The following SUGCT variants were observed in gnomAD, a reference collection of about 807,000 sequenced individuals.
The protein encoded by SUGCT is succinyl-CoA:glutarate CoA-transferase.
In SUGCT, 41 loss-of-function variants were observed where a neutral mutation model predicts 55.0. The observed-to-expected ratio is 0.74, with a 90% CI of 0.58 to 0.97. The LOEUF (loss-of-function observed/expected upper bound fraction) is 0.97. SUGCT is among the 50% of genes least tolerant of loss of function. The pLI, the probability that SUGCT is intolerant of heterozygous loss-of-function variation, is 0.00. For missense variants in SUGCT, 568 were observed against 547.8 expected, an observed-to-expected ratio of 1.04 and a Z score of -0.37; for synonymous variants, 187 against 200.4, an observed-to-expected ratio of 0.93 and a Z score of 0.56.
At chr7:40,414,853 G>GC (rs148617434) in intron 9 of SUGCT, among the ~76,000 whole-genome samples, 3,761 of 152,048 alleles carry the variant, frequency 0.025, 53 homozygotes, top group Non-Finnish European at 0.038. Flanking sequence ...CACCAGCCTG[G>GC]CCAACATGGT....
chr7:40,327,691 G>A (rs1796087554), intron 9 of SUGCT, among the ~76,000 whole-genome samples: 2 of 152,012 alleles, frequency 1.3e-5, no homozygotes, highest in African/African-American at 4.8e-5. Flanking sequence ...TAATATATGT[G>A]CAGAACTAAT....
At chr7:40,515,063 A>ATG (rs1793159540) in intron 12 of SUGCT, among the ~76,000 whole-genome samples, 2 of 152,176 alleles carry the variant, frequency 1.3e-5, no homozygotes, top group South Asian at 4.1e-4. Context: ...CATAGTTACA[A>ATG]TGTGTGTGTA....
chr7:40,908,214 T>TA, the SUGCT span, among the ~76,000 whole-genome samples: 30 of 146,852 alleles, frequency 2.0e-4, no homozygotes, highest in African/African-American at 5.2e-4. Flanking sequence ...CCATCTCTAC[T>TA]AAAAAAAAAA....
At chr7:40,413,884 A>G (rs1469450122) in intron 9 of SUGCT, among the ~76,000 whole-genome samples, 2 of 152,200 alleles carry the variant, frequency 1.3e-5, no homozygotes. Flanking sequence ...TTACATTGAT[A>G]AATGGGAAGA....
At chr7:40,381,225 A>G (rs1050840455) in intron 9 of SUGCT, among the ~76,000 whole-genome samples, 4 of 152,178 alleles carry the variant, frequency 2.6e-5, no homozygotes, top group Admixed American at 2.6e-4. Flanking sequence ...CTGGCTATAT[A>G]ATATATAAGT....
intron 9 of SUGCT, among the ~76,000 whole-genome samples, chr7:40,402,806 G>A: frequency 6.6e-6 from 1 of 152,130 alleles, no homozygotes; most frequent in East Asian, 1.9e-4. Flanking sequence ...TAGGGTGAGA[G>A]GAAGTTCAAT....
the SUGCT span, among the ~76,000 whole-genome samples, chr7:40,955,099 T>C: frequency 6.6e-6 from 1 of 152,192 alleles, no homozygotes; most frequent in Non-Finnish European, 1.5e-5. Context: ...TCTTTTTGCT[T>C]AGGATTGTCT....
At chr7:40,470,664 G>A (rs1049023835) in intron 11 of SUGCT, among the ~76,000 whole-genome samples, 1 of 151,858 alleles carries the variant, frequency 6.6e-6, no homozygotes. Flanking sequence ...AGCACTCACG[G>A]AATAATTGCT....
In SUGCT at chr7:40,860,506, C is replaced by T. The variant is rs774823414; in HGVS notation, c.*27C>T. The T allele has an allele frequency of 3.1e-6, 5 of 1,597,642 alleles. No homozygotes were observed. Among genetic ancestry groups the T allele is most frequent in the Non-Finnish European group, 4.3e-6 (5 of 1,169,654 alleles). On this transcript the variant is annotated 3_prime_UTR_variant, in exon 14 of 14. Coordinates refer to ENST00000335693, the MANE Select transcript of SUGCT (RefSeq NM_001193313.2). ...AAAGGAAAAGGGCTCTTCCTCATAACCTCGATCCGAATACACTGGCAAAGG... is the reference window on the plus strand; with the variant it reads ...AAAGGAAAAGGGCTCTTCCTCATAATCTCGATCCGAATACACTGGCAAAGG...
chr7:40,487,262 T>TG (rs1791429854), intron 11 of SUGCT, among the ~76,000 whole-genome samples: 1 of 136,148 alleles, frequency 7.3e-6, no homozygotes, highest in African/African-American at 2.8e-5. Context: ...TTTTTTTTTT[T>TG]TTTTTTTTTT....
chr7:40,734,320 G>A (rs184919050), intron 12 of SUGCT, among the ~76,000 whole-genome samples: 38 of 152,278 alleles, frequency 2.5e-4, no homozygotes, highest in Middle Eastern at 6.8e-3. Flanking sequence ...GTGGAAAGTC[G>A]TACTGAACAC....
intron 12 of SUGCT, among the ~76,000 whole-genome samples, chr7:40,576,199 G>T (rs1254565900): frequency 6.6e-6 from 1 of 152,168 alleles, no homozygotes; most frequent in Non-Finnish European, 1.5e-5. Context: ...GCAGGAATGT[G>T]TTTAAAAGAA....
At chr7:40,579,686 T>A (rs1796968335) in intron 12 of SUGCT, among the ~76,000 whole-genome samples, 3 of 152,216 alleles carry the variant, frequency 2.0e-5, no homozygotes, top group African/African-American at 7.2e-5. Context: ...GACAGTGTAA[T>A]GCTCAAAGCA....
At chr7:40,811,822 T>C (rs970156827) in intron 13 of SUGCT, among the ~76,000 whole-genome samples, 1 of 152,072 alleles carries the variant, frequency 6.6e-6, no homozygotes, top group Admixed American at 6.6e-5. Flanking sequence ...GTGGTGAGAG[T>C]AGACATCCTG....
At position 40,698,119 on chromosome 7, in the gene SUGCT, G is replaced by A. The variant is rs931644890; in HGVS notation, c.1090-51315G>A. On this transcript the variant is annotated intron_variant, in intron 12 of 13. Transcript: ENST00000335693. ...GCAAAGTATAGCACAAGCAAGTCCT[G>A]GAGATGGAGGAGAGATGGTAAGATG... Among the ~76,000 whole-genome samples, 3 of 152,210 alleles carry A rather than the reference G, an allele frequency of 2.0e-5. 1 individual carries two copies. The highest frequency in any genetic ancestry group is 3.9e-4 in the East Asian group (2 of 5,188).
chr7:40,628,226 G>A (rs1295471800), intron 12 of SUGCT, among the ~76,000 whole-genome samples: 1 of 152,064 alleles, frequency 6.6e-6, no homozygotes, highest in Non-Finnish European at 1.5e-5. Flanking sequence ...TGGGGTTTTG[G>A]GACATATCCC....
chr7:40,565,350 T>C (rs2151673172), intron 12 of SUGCT, among the ~76,000 whole-genome samples: 1 of 152,370 alleles, frequency 6.6e-6, no homozygotes, highest in Middle Eastern at 3.4e-3. Flanking sequence ...TAAATTATTA[T>C]ACTGCTCAGG....
intron 1 of SUGCT, among the ~76,000 whole-genome samples, chr7:40,177,152 A>T (rs1020875098): frequency 2.6e-5 from 4 of 152,072 alleles, no homozygotes; most frequent in African/African-American, 9.7e-5. Flanking sequence ...GTTTTTACCT[A>T]CAACCCACAA....
chr7:40,319,400 G>A (rs1378333600), intron 9 of SUGCT, among the ~76,000 whole-genome samples: 3 of 152,126 alleles, frequency 2.0e-5, no homozygotes, highest in Non-Finnish European at 4.4e-5. Flanking sequence ...ATTTTTGTGG[G>A]TGAATGCCAG....
Sources: allele counts gnomAD v4.1 joint callset (sites outside exome capture counted in the v4.1 genomes callset), GRCh38; gene constraint gnomAD v4.1.1; transcripts MANE v1.5; gene names NCBI Gene and HGNC (gene_info 2026-07-23, HGNC 2026-07-21).